The following ST18 variants were observed in gnomAD, a reference collection of about 807,000 sequenced individuals.
ST18 encodes ST18 C2H2C-type zinc finger transcription factor.
Under a neutral mutation model 110.0 loss-of-function variants are expected in ST18, and 50 were observed. The ratio of observed to expected loss-of-function variants is 0.45; its 90% CI spans 0.36 to 0.58. The LOEUF is 0.58. Among genes scored for constraint, ST18 ranks in the 20% least tolerant of loss-of-function variants. ST18 has a pLI of 0.00. For synonymous variants in ST18, 461 were observed against 452.4 expected, an observed-to-expected ratio of 1.02 and a Z score of -0.24; for missense variants, 1,306 against 1,280.1, an observed-to-expected ratio of 1.02 and a Z score of -0.31.
intron 6 of ST18, among the ~76,000 whole-genome samples, chr8:52,217,096 C>T (rs544061768): frequency 3.9e-5 from 6 of 152,236 alleles, no homozygotes; most frequent in East Asian, 1.9e-4. Flanking sequence ...GCCTAAGCCC[C>T]GAATACTATT....
chr8:52,142,612 A>C (rs2055590947), intron 17 of ST18, among the ~76,000 whole-genome samples: 1 of 152,152 alleles, frequency 6.6e-6, no homozygotes, highest in African/African-American at 2.4e-5. Flanking sequence ...CCCAAATAAC[A>C]ATTTGCATCA....
chr8:52,276,774 TTTTTTTTTTGAGACAGAG>T (rs1236806330), intron 2 of ST18, among the ~76,000 whole-genome samples: 1 of 151,940 alleles, frequency 6.6e-6, no homozygotes, highest in Non-Finnish European at 1.5e-5. Flanking sequence ...AATCTTTTTT[TTTTTTTTTTGAGACAGAG>T]TTTTGCTCTT....
At chr8:52,140,971 T>C (rs2054782430) in intron 17 of ST18, among the ~76,000 whole-genome samples, 2 of 152,054 alleles carry the variant, frequency 1.3e-5, no homozygotes, top group South Asian at 4.1e-4. Context: ...CTGGCCTAAG[T>C]GGCTTCTAAG....
chr8:52,339,416 G>C lies in ST18; in HGVS notation c.-465+69912C>G, dbSNP rs80190961. ...GATAAACTCCCTTCCTAAACCGACTGTACCACACGACAAAACCTCACCATG... is the reference window on the plus strand; with the variant it reads ...GATAAACTCCCTTCCTAAACCGACTCTACCACACGACAAAACCTCACCATG... On this transcript the variant is annotated intron_variant, in intron 2 of 25. Transcript: ENST00000689386. 8.5e-3 allele frequency among the ~76,000 whole-genome samples: 1,299 copies of C among 152,294 alleles called. 18 individuals are homozygous for C. Among genetic ancestry groups the C allele is most frequent in the African/African-American group, 0.03 (1,236 of 41,558 alleles).
intron 2 of ST18, among the ~76,000 whole-genome samples, chr8:52,236,540 G>A (rs532268103): frequency 6.6e-6 from 1 of 151,746 alleles, no homozygotes; most frequent in East Asian, 1.9e-4. Context: ...GAACCCAGGA[G>A]GCGGAGGTTG....
intron 2 of ST18, among the ~76,000 whole-genome samples, chr8:52,384,926 G>A (rs1423199694): frequency 6.6e-6 from 1 of 152,080 alleles, no homozygotes; most frequent in Admixed American, 6.5e-5. Flanking sequence ...GGGTACTGTT[G>A]GAGGATATGA....
At chr8:52,293,627 C>T (rs75261775) in intron 2 of ST18, among the ~76,000 whole-genome samples, 1,815 of 152,230 alleles carry the variant, frequency 0.012, 11 homozygotes, top group Non-Finnish European at 0.019. Context: ...CTTTATATGA[C>T]ATATAATTTT....
intron 8 of ST18, among the ~76,000 whole-genome samples, chr8:52,194,036 G>C (rs1412288745): frequency 6.6e-6 from 1 of 151,058 alleles, no homozygotes; most frequent in Non-Finnish European, 1.5e-5. Context: ...TTATAAAAGG[G>C]GAGAATTTTT....
chr8:52,231,476 C>T (rs1452276574), intron 2 of ST18, among the ~76,000 whole-genome samples: 1 of 151,566 alleles, frequency 6.6e-6, no homozygotes, highest in East Asian at 1.9e-4. Flanking sequence ...ATCAGGACCA[C>T]CTGGGTGGCT....
intron 2 of ST18, among the ~76,000 whole-genome samples, chr8:52,251,974 A>G (rs1457895524): frequency 6.6e-6 from 1 of 152,098 alleles, no homozygotes; most frequent in African/African-American, 2.4e-5. Context: ...CAGGTCACAT[A>G]AGGACAAGAA....
In ST18 at chr8:52,232,102, T is replaced by C. The variant is rs186678965; in HGVS notation, c.-464-2025A>G. The stretch of plus-strand genomic sequence containing the variant: ...GAATCCCAACCCCAAAAGCTAAATA[T>C]ACCCACATAGAGCAGAAGCACTTCC... On this transcript the variant is annotated intron_variant, in intron 2 of 25. Transcript: ENST00000689386. 2.1e-3 allele frequency among the ~76,000 whole-genome samples: 317 copies of C among 152,298 alleles called. 1 individual carries two copies. Among genetic ancestry groups the C allele is most frequent in the South Asian group, 5.0e-3 (24 of 4,826 alleles).
intron 2 of ST18, among the ~76,000 whole-genome samples, chr8:52,294,778 G>A (rs535685566): frequency 7.7e-4 from 117 of 152,252 alleles, no homozygotes; most frequent in African/African-American, 2.7e-3. Flanking sequence ...TCTATACTTC[G>A]TCCTCTCACT....
At chr8:52,388,003 A>G (rs1837579752) in intron 2 of ST18, among the ~76,000 whole-genome samples, 2 of 143,392 alleles carry the variant, frequency 1.4e-5, no homozygotes, top group African/African-American at 2.6e-5. Context: ...GTGAAAAGCT[A>G]GCAGGGTGTC....
At chr8:52,234,667 T>C (rs1047516089) in intron 2 of ST18, among the ~76,000 whole-genome samples, 1 of 151,604 alleles carries the variant, frequency 6.6e-6, no homozygotes, top group Non-Finnish European at 1.5e-5. Flanking sequence ...CAATTTGCAA[T>C]TGTAAAAAAT....
intron 15 of ST18, among the ~76,000 whole-genome samples, chr8:52,150,632 C>G (rs966665829): frequency 6.6e-6 from 1 of 152,010 alleles, no homozygotes; most frequent in Admixed American, 6.6e-5. Context: ...GTGGTGGGGG[C>G]GGTGCTTTGG....
intron 16 of ST18, among the ~76,000 whole-genome samples, 185 bp from the exon 17 acceptor site, chr8:52,143,230 T>C (rs1450887432): frequency 1.3e-5 from 2 of 152,224 alleles, no homozygotes; most frequent in Non-Finnish European, 2.9e-5. Flanking sequence ...CTGATGCCTG[T>C]AATCCTTGGC....
At chr8:52,149,421 T>C (rs2058220285) in intron 16 of ST18, among the ~76,000 whole-genome samples, 1 of 152,258 alleles carries the variant, frequency 6.6e-6, no homozygotes, top group South Asian at 2.1e-4. Flanking sequence ...TGTTGAGCAA[T>C]ACATTGCCCC....
At chr8:52,325,335 A>G (rs1249328968) in intron 2 of ST18, among the ~76,000 whole-genome samples, 1 of 152,202 alleles carries the variant, frequency 6.6e-6, no homozygotes, top group Non-Finnish European at 1.5e-5. Context: ...TAAGACCCGA[A>G]GAGATCATTT....
At chr8:52,392,408 T>C (rs1839635836) in intron 2 of ST18, among the ~76,000 whole-genome samples, 2 of 152,006 alleles carry the variant, frequency 1.3e-5, no homozygotes, top group African/African-American at 4.8e-5. Context: ...TGGTTCACTA[T>C]ACTGGGAAAG....
Sources: gnomAD v4.1 joint callset for allele counts (sites outside exome capture counted in the v4.1 genomes callset) on GRCh38, gnomAD v4.1.1 for gene constraint, MANE v1.5 for transcripts, NCBI Gene and HGNC (gene_info 2026-07-23, HGNC 2026-07-21) for gene names.